MAP3K20: variants seen among roughly 807,000 people sequenced by gnomAD.
MAP3K20 encodes HCCS-4.
In MAP3K20, 40 loss-of-function variants were observed where a neutral mutation model predicts 85.7. The observed-to-expected ratio is 0.47, with a 90% CI of 0.36 to 0.61. The LOEUF (loss-of-function observed/expected upper bound fraction) is 0.61. MAP3K20 is among the 20% of genes least tolerant of loss of function. The pLI is 0.00. For synonymous variants in MAP3K20, 325 were observed against 327.7 expected (o/e 0.99, Z 0.09); for missense variants, 817 against 961.7 (o/e 0.85, Z 1.99).
chr2:173,259,881 T>C (rs1479133375), intron 17 of MAP3K20, among the ~76,000 whole-genome samples: 1 of 152,208 alleles, frequency 6.6e-6, no homozygotes, highest in Admixed American at 6.5e-5. Context: ...TCCCCACCCA[T>C]ACCACGGAGT....
chr2:173,188,444 C>T (rs1303789786), intron 5 of MAP3K20, among the ~76,000 whole-genome samples: 5 of 152,076 alleles, frequency 3.3e-5, no homozygotes, highest in Non-Finnish European at 7.4e-5. Flanking sequence ...AAGGAGGAAG[C>T]GAACTATCTA....
intron 2 of MAP3K20, among the ~76,000 whole-genome samples, chr2:173,159,237 C>T (rs773171296): frequency 3.3e-5 from 5 of 152,154 alleles, no homozygotes; most frequent in Admixed American, 6.5e-5. Context: ...GGATAATTTC[C>T]GTATGATTGC....
intron 2 of MAP3K20, among the ~76,000 whole-genome samples, chr2:173,149,505 T>C (rs1234299076): frequency 6.5e-5 from 2 of 30,832 alleles, no homozygotes; most frequent in African/African-American, 1.6e-4. Context: ...TAAAAAAGTT[T>C]ATTTTTTTTT....
intron 16 of MAP3K20, among the ~76,000 whole-genome samples, chr2:173,253,013 T>A (rs950183771): frequency 3.3e-5 from 5 of 152,180 alleles, no homozygotes; most frequent in Admixed American, 6.5e-5. Context: ...CTTGGCTGCA[T>A]CTTCTCTTTT....
intron 2 of MAP3K20, among the ~76,000 whole-genome samples, chr2:173,130,765 A>T (rs1688593646): frequency 6.6e-6 from 1 of 152,188 alleles, no homozygotes; most frequent in Admixed American, 6.5e-5. Flanking sequence ...TGTTCTCAGG[A>T]CACTGTCTAG....
chr2:173,126,129 G>A (rs997279908), intron 2 of MAP3K20, among the ~76,000 whole-genome samples: 2 of 152,084 alleles, frequency 1.3e-5, no homozygotes, highest in African/African-American at 4.8e-5. Flanking sequence ...TAATCCAAAG[G>A]ATGAGGCATT....
At chr2:173,222,108 A>C in intron 11 of MAP3K20, 2 of 909,868 alleles carry the variant, frequency 2.2e-6, no homozygotes, top group Non-Finnish European at 1.3e-6. Flanking sequence ...AGGCCAAGGC[A>C]GGAGGATTGC....
intron 2 of MAP3K20, among the ~76,000 whole-genome samples, chr2:173,121,839 C>T (rs1463667402): frequency 6.6e-6 from 1 of 152,098 alleles, no homozygotes; most frequent in Non-Finnish European, 1.5e-5. Flanking sequence ...TCAGCAGTAG[C>T]AACAGACAGT....
At chr2:173,221,373 T>C in intron 11 of MAP3K20, 3 of 1,613,964 alleles carry the variant, frequency 1.9e-6, no homozygotes, top group Non-Finnish European at 2.5e-6. Context: ...CAGATAAACA[T>C]GCAAGCCAAG....
At chr2:173,188,843 A>G (rs540484677) in intron 5 of MAP3K20, among the ~76,000 whole-genome samples, 36 of 152,334 alleles carry the variant, frequency 2.4e-4, no homozygotes, top group African/African-American at 8.4e-4. Flanking sequence ...GCTGTAGTAG[A>G]AAAGATCAGA....
intron 2 of MAP3K20, among the ~76,000 whole-genome samples, chr2:173,128,754 G>C (rs1435495706): frequency 6.6e-6 from 1 of 150,848 alleles, no homozygotes; most frequent in Non-Finnish European, 1.5e-5. Context: ...TCCTGAAAGT[G>C]CAAAATAATC....
chr2:173,197,914 G>A, intron 7 of MAP3K20, 112 bp from the exon 8 acceptor site: 1 of 752,014 alleles, frequency 1.3e-6, no homozygotes, highest in Non-Finnish European at 2.0e-6. Flanking sequence ...CTACAGTTGG[G>A]GTTGGTTGTG....
intron 16 of MAP3K20, among the ~76,000 whole-genome samples, chr2:173,239,720 A>C (rs76021497): frequency 0.014 from 2,196 of 152,320 alleles, 15 homozygotes; most frequent in Middle Eastern, 0.054. Flanking sequence ...ATGTGAGGCC[A>C]CCCAAACATC....
chr2:173,241,261 G>C (rs918700328), intron 16 of MAP3K20, among the ~76,000 whole-genome samples: 1 of 152,102 alleles, frequency 6.6e-6, no homozygotes, highest in Non-Finnish European at 1.5e-5. Flanking sequence ...AAAGAAATGA[G>C]GTAATGGATG....
intron 2 of MAP3K20, among the ~76,000 whole-genome samples, chr2:173,159,414 T>TC (rs1237336672): frequency 3.3e-5 from 5 of 151,088 alleles, no homozygotes; most frequent in Middle Eastern, 3.4e-3. Flanking sequence ...TTTTTTTTTT[T>TC]CCTGGATCTT....
intron 1 of MAP3K20, among the ~76,000 whole-genome samples, chr2:173,089,070 A>G (rs929370452): frequency 2.0e-5 from 3 of 152,196 alleles, no homozygotes; most frequent in African/African-American, 7.2e-5. Context: ...AGCCAGCTGC[A>G]TGCTAAGATC....
intron 10 of MAP3K20, chr2:173,215,760 T>C (rs1684054400): frequency 6.6e-6 from 1 of 152,246 alleles, no homozygotes; most frequent in Non-Finnish European, 1.5e-5. Context: ...CTTTTTGTTT[T>C]CATTCACTTA....
intron 7 of MAP3K20, among the ~76,000 whole-genome samples, chr2:173,192,603 A>G (rs563935194): frequency 1.3e-5 from 2 of 152,332 alleles, no homozygotes; most frequent in South Asian, 2.1e-4. Context: ...AATATTTCTC[A>G]TAAGTTTCAG....
chr2:173,173,622 T>A (rs1000069267), intron 3 of MAP3K20, among the ~76,000 whole-genome samples: 2 of 152,218 alleles, frequency 1.3e-5, no homozygotes, highest in African/African-American at 4.8e-5. Flanking sequence ...TACATCTAAT[T>A]TGCATGTTTT....
Sources: gnomAD v4.1 joint callset for allele counts (sites outside exome capture counted in the v4.1 genomes callset) on GRCh38, gnomAD v4.1.1 for gene constraint, MANE v1.5 for transcripts, NCBI Gene and HGNC (gene_info 2026-07-23, HGNC 2026-07-21) for gene names.